TSHZ2: variants seen among roughly 807,000 people sequenced by gnomAD.
The protein encoded by TSHZ2 is teashirt zinc finger homeobox 2.
In TSHZ2, 21 loss-of-function variants were observed where a neutral mutation model predicts 74.4. The observed-to-expected ratio is 0.28, with a 90% confidence interval of 0.20 to 0.41. The LOEUF (loss-of-function observed/expected upper bound fraction) is 0.41, where lower values mean the gene tolerates loss of function less well. Ranked by LOEUF, TSHZ2 falls within the 10% of genes least tolerant of loss-of-function variation. TSHZ2 has a pLI of 1.00. For missense variants in TSHZ2, 1,244 were observed against 1,293.5 expected, an observed-to-expected ratio of 0.96 and a Z score of 0.59; for synonymous variants, 540 against 515.3, an observed-to-expected ratio of 1.05 and a Z score of -0.65.
chr20:53,358,331 T>C (rs1222197497), intron 2 of TSHZ2, among the ~76,000 whole-genome samples: 3 of 33,960 alleles, frequency 8.8e-5, no homozygotes, highest in African/African-American at 6.6e-4. Flanking sequence ...CTGTGGTTCT[T>C]TTTTTTTTTT....
chr20:53,436,269 T>C (rs1251053231), intron 2 of TSHZ2, among the ~76,000 whole-genome samples: 1 of 152,166 alleles, frequency 6.6e-6, no homozygotes, highest in Non-Finnish European at 1.5e-5. Context: ...TCTGGGATTC[T>C]CCTGTTCAGG....
intron 1 of TSHZ2, among the ~76,000 whole-genome samples, chr20:53,107,963 G>A (rs969014353): frequency 6.6e-6 from 1 of 152,192 alleles, no homozygotes; most frequent in Admixed American, 6.5e-5. Flanking sequence ...GAACAATTCA[G>A]GGTAAGATTT....
intron 1 of TSHZ2, among the ~76,000 whole-genome samples, chr20:53,157,354 T>C (rs1478535884): frequency 1.3e-5 from 2 of 152,088 alleles, no homozygotes; most frequent in Non-Finnish European, 2.9e-5. Flanking sequence ...TATAAATTCA[T>C]TTTACTAATG....
At chr20:53,402,718 C>T (rs1359490624) in intron 2 of TSHZ2, among the ~76,000 whole-genome samples, 1 of 152,132 alleles carries the variant, frequency 6.6e-6, no homozygotes, top group Non-Finnish European at 1.5e-5. Flanking sequence ...GTGGAGGAAA[C>T]ACATGCCAGG....
chr20:53,381,357 C>T (rs935402036), intron 2 of TSHZ2, among the ~76,000 whole-genome samples: 4 of 152,134 alleles, frequency 2.6e-5, no homozygotes, highest in Non-Finnish European at 5.9e-5. Context: ...TCTACCACTG[C>T]CTCTAATATC....
Position 53,032,759 on chromosome 20 carries a change from C to T in TSHZ2, c.40+59426C>T, listed in dbSNP as rs181969987. Among the ~76,000 whole-genome samples the T allele has an allele frequency of 4.9e-4, 73 of 150,014 alleles. No homozygotes were observed. In the East Asian group the frequency reaches 0.012, roughly 24 times the overall value. On this transcript the variant is annotated intron_variant, in intron 1 of 2. Transcript: ENST00000371497. ...CCATGTCCTGATTTTTTTTTTTTTC[C>T]GACTCCTTTCTTGCCAGGAGGCCTG... is the stretch of plus-strand genomic sequence containing the variant.
rs562528250 is a variant in TSHZ2, at chr20:53,488,044, A to T, written c.*909A>T. 6.6e-6 allele frequency: 1 copy of T among 152,326 alleles called. No homozygotes were observed. Among genetic ancestry groups the T allele is most frequent in the South Asian group, 2.1e-4 (1 of 4,824 alleles). The allele number at this position is 152,326 out of a possible 1,614,324, so 9.4% of individuals were successfully genotyped here. ...AGTTCTGCAGCAGCCTTTTCTGGTA[A>T]TCCCTTTCTGCAGAACCTGATGTTT... is the stretch of plus-strand genomic sequence containing the variant. On this transcript the variant is annotated 3_prime_UTR_variant, in exon 3 of 3. Coordinates refer to ENST00000371497, the MANE Select transcript of TSHZ2 (RefSeq NM_173485.6).
chr20:53,457,750 T>G (rs1341402764), intron 2 of TSHZ2, among the ~76,000 whole-genome samples: 1 of 151,734 alleles, frequency 6.6e-6, no homozygotes, highest in Non-Finnish European at 1.5e-5. Context: ...CCTAATTTAT[T>G]GAGAGTTTTT....
chr20:53,004,931 A>G (rs1255046720), intron 1 of TSHZ2, among the ~76,000 whole-genome samples: 2 of 152,208 alleles, frequency 1.3e-5, no homozygotes, highest in Non-Finnish European at 1.5e-5. Flanking sequence ...AAATTCATCT[A>G]AGACCAAACA....
chr20:53,387,369 T>C (rs956817369), intron 2 of TSHZ2, among the ~76,000 whole-genome samples: 14 of 152,354 alleles, frequency 9.2e-5, no homozygotes, highest in African/African-American at 3.1e-4. Flanking sequence ...CTGTTTTATT[T>C]TCCCTTGATT....
intron 2 of TSHZ2, among the ~76,000 whole-genome samples, chr20:53,469,774 GAGGGAGGGAGGGAGGAAGGA>G (rs1326710434): frequency 0.011 from 270 of 25,474 alleles, 7 homozygotes; most frequent in African/African-American, 0.042. Flanking sequence ...GGGAGGAAGG[GAGGGAGGGAGGGAGGAAGGA>G]AGGAAGGAAG....
intron 2 of TSHZ2, among the ~76,000 whole-genome samples, chr20:53,439,257 A>G (rs964786706): frequency 6.6e-6 from 1 of 152,230 alleles, no homozygotes; most frequent in Admixed American, 6.5e-5. Context: ...GGAGTATCTT[A>G]GGAAACCAGA....
intron 2 of TSHZ2, among the ~76,000 whole-genome samples, chr20:53,465,966 T>TAAAAAAAAAAAA (rs557411643): frequency 1.5e-5 from 2 of 132,214 alleles, no homozygotes; most frequent in Non-Finnish European, 3.2e-5. Flanking sequence ...TCACAGTGGT[T>TAAAAAAAAAAAA]AAAAAAAAAA....
At chr20:53,050,598 C>T (rs1480397100) in intron 1 of TSHZ2, among the ~76,000 whole-genome samples, 1 of 152,284 alleles carries the variant, frequency 6.6e-6, no homozygotes, top group Non-Finnish European at 1.5e-5. Flanking sequence ...AGAGACGTGT[C>T]ATAGGAAGAC....
chr20:53,380,443 T>C (rs1981817287), intron 2 of TSHZ2, among the ~76,000 whole-genome samples: 1 of 152,206 alleles, frequency 6.6e-6, no homozygotes, highest in Non-Finnish European at 1.5e-5. Flanking sequence ...AGGAAATAAT[T>C]GAACATAGGA....
chr20:53,294,481 A>G (rs917005452), intron 2 of TSHZ2, among the ~76,000 whole-genome samples: 28 of 151,846 alleles, frequency 1.8e-4, no homozygotes, highest in Admixed American at 6.6e-4. Flanking sequence ...ATAAAAAAAA[A>G]AGAGAGAGAG....
rs141618162 is a variant in TSHZ2, at chr20:53,199,725, G to A, written c.41-53774G>A. ...AGCTCAGTTACATCTGAAAAACTCC[G>A]TCCCAGCAATGCCTAGACTAGTGTT... On this transcript the variant is annotated intron_variant, in intron 1 of 2. Coordinates refer to ENST00000371497, the MANE Select transcript of TSHZ2 (RefSeq NM_173485.6). Among the ~76,000 whole-genome samples, 341 of 152,204 alleles carry A rather than the reference G, an allele frequency of 2.2e-3. 3 individuals are homozygous for A. The highest frequency in any genetic ancestry group is 7.5e-3 in the African/African-American group (310 of 41,524).
intron 1 of TSHZ2, among the ~76,000 whole-genome samples, chr20:53,190,184 T>C (rs1988705190): frequency 7.0e-6 from 1 of 143,330 alleles, no homozygotes; most frequent in Non-Finnish European, 1.5e-5. Context: ...TATCTGTGTT[T>C]CTGTGTGTTT....
rs1391369290 is a variant in TSHZ2 at position 53,494,847 on chromosome 20, GTC to G, written c.*7716_*7717del. The G allele has an allele frequency of 6.6e-6, 1 of 150,610 alleles. No individual in the cohort carries two copies. The highest frequency in any genetic ancestry group is 2.4e-5 in the African/African-American group (1 of 40,912). 9.3% of individuals were successfully genotyped at this position (150,610 alleles called of 1,614,324 possible). A position where few individuals can be genotyped will look rare whatever the true frequency, so the allele number is the denominator to read the frequency against. On this transcript the variant is annotated 3_prime_UTR_variant, in exon 3 of 3. Coordinates refer to ENST00000371497, the MANE Select transcript of TSHZ2 (RefSeq NM_173485.6). ...TTGCCTTTGTGTTGAAAAAAAAAAA[GTC>G]TCTTTTTTTTCCCCCACTCAGCAGT...
Sources: gnomAD v4.1 joint callset for allele counts (sites outside exome capture counted in the v4.1 genomes callset) on GRCh38, gnomAD v4.1.1 for gene constraint, MANE v1.5 for transcripts, NCBI Gene and HGNC (gene_info 2026-07-23, HGNC 2026-07-21) for gene names.